Variants in ATP2B1 observed in about 807,000 individuals in gnomAD.
ATP2B1 encodes plasma membrane calcium-transporting ATPase 1.
Under a neutral mutation model 124.2 loss-of-function variants are expected in ATP2B1, and 14 were observed. The ratio of observed to expected loss-of-function variants is 0.11; its 90% CI spans 0.07 to 0.18. ATP2B1 has a LOEUF of 0.18. ATP2B1 is among the 10% of genes least tolerant of loss of function. The probability of loss-of-function intolerance (pLI) is 1.00; values close to 1 mark genes in which losing one functional copy is unlikely to be tolerated. For synonymous variants in ATP2B1, 449 were observed against 492.4 expected (o/e 0.91, Z 1.17); for missense variants, 763 against 1,466.1 (o/e 0.52, Z 7.83).
Position 89,611,359 on chromosome 12 carries a change from A to G in ATP2B1, c.2081T>C (p.Ile694Thr), listed in dbSNP as rs1331541064. ...DPVRPEVPDA[I>T]KKCQRAGITV... ...AATTCCAGCCCTCTGACACTTTTTAATTGCATCTGGCACCTGGTTTACATT... is the reference window on the plus strand; with the variant it reads ...AATTCCAGCCCTCTGACACTTTTTAGTTGCATCTGGCACCTGGTTTACATT... Residue 694 changes from isoleucine to threonine, a missense_variant, in exon 13 of 21, where the codon ATT (isoleucine) becomes ACT (threonine). This residue lies in a region of ATP2B1 where 392 missense variants were observed against 776.6 expected (regional missense o/e 0.50). Coordinates refer to ENST00000428670, the MANE Select transcript of ATP2B1 (RefSeq NM_001366521.1). 1 of 1,530,232 alleles carries G rather than the reference A, an allele frequency of 6.5e-7. No individual in the cohort carries two copies. The highest frequency in any genetic ancestry group is 1.4e-5 in the African/African-American group (1 of 70,986). The allele number at this position is 1,530,232 out of a possible 1,614,324, so 94.8% of individuals were successfully genotyped here.
intron 1 of ATP2B1, among the ~76,000 whole-genome samples, chr12:89,691,062 G>A (rs764039758): frequency 4.6e-5 from 7 of 152,044 alleles, no homozygotes; most frequent in Non-Finnish European, 8.8e-5. Flanking sequence ...TAACATGTGA[G>A]AGGCTCAACT....
At chr12:89,637,614 G>A (rs185311986) in intron 3 of ATP2B1, among the ~76,000 whole-genome samples, 10 of 152,040 alleles carry the variant, frequency 6.6e-5, no homozygotes, top group Middle Eastern at 6.8e-3. Flanking sequence ...GCCCAGATTG[G>A]CCTCGAACTC....
chr12:89,680,652 G>A (rs779865105), intron 1 of ATP2B1, among the ~76,000 whole-genome samples: 5 of 151,982 alleles, frequency 3.3e-5, no homozygotes, highest in Non-Finnish European at 5.9e-5. Flanking sequence ...CAGAAACAAC[G>A]GAACAGAACT....
rs751322982 is a variant in ATP2B1, at chr12:89,621,722, T to C, written c.1414A>G (p.Ile472Val). 18 of 1,610,638 alleles carry C rather than the reference T, an allele frequency of 1.1e-5. No homozygotes were observed. In the East Asian group the frequency reaches 2.7e-4, roughly 24 times the overall value. Reference sequence around the variant, plus strand: ...AAAGTTCCTGTTTTATCTGAACAAATAGCTGTAGCATTTCCCATGGTTTCA... The same window carrying C: ...AAAGTTCCTGTTTTATCTGAACAAACAGCTGTAGCATTTCCCATGGTTTCA... ...ACETMGNATA[I>V]CSDKTGTLTM... Residue 472 changes from isoleucine to valine, a missense_variant, in exon 10 of 21, where the codon ATT becomes GTT. Physicochemically the swap from Ile to Val is conservative, Grantham distance 29 (BLOSUM62 3). Around this residue, in one of 7 missense-constraint regions of ATP2B1, gnomAD observed 392 missense variants for 776.6 expected, o/e 0.50. Coordinates refer to ENST00000428670, the MANE Select transcript of ATP2B1 (RefSeq NM_001366521.1).
Position 89,591,107 on chromosome 12 carries a change from T to C in ATP2B1, c.3540A>G (p.Pro1180=), listed in dbSNP as rs1873470860. 3.7e-6 allele frequency: 6 copies of C among 1,613,046 alleles called. No homozygotes were observed. Among genetic ancestry groups the C allele is most frequent in the South Asian group, 1.1e-5 (1 of 91,076 alleles). Residue 1180 remains proline (P), a synonymous_variant, in exon 21 of 21, where the codon CCA becomes CCG. Coordinates refer to ENST00000428670, the MANE Select transcript of ATP2B1 (RefSeq NM_001366521.1). ...DAPTKRNSSP[P]PSPNKNNNAV... ...CATTGTTATTTTTGTTGGGAGAGGG[T>C]GGAGGACTGGAGTTACGTTTTGTAG...
At chr12:89,707,594 AG>A (rs1892629030) in intron 1 of ATP2B1, among the ~76,000 whole-genome samples, 1 of 152,162 alleles carries the variant, frequency 6.6e-6, no homozygotes, top group African/African-American at 2.4e-5. Flanking sequence ...CCCAAAGAAA[AG>A]GTAAATATCA....
At chr12:89,698,914 G>C (rs141450857) in intron 1 of ATP2B1, among the ~76,000 whole-genome samples, 3 of 152,276 alleles carry the variant, frequency 2.0e-5, no homozygotes, top group African/African-American at 7.2e-5. Context: ...GTGGTACCCT[G>C]GTTTTCAACT....
At position 89,677,971 on chromosome 12, in the gene ATP2B1, T is replaced by TATATATATATATATATATATACAC. The variant is rs1461216851; in HGVS notation, c.-221-21865_-221-21864insGTGTATATATATATATATATATAT. Among the ~76,000 whole-genome samples, 91 of 52,214 alleles carry TATATATATATATATATATATACAC rather than the reference T, an allele frequency of 1.7e-3. 2 individuals carry two copies. Among genetic ancestry groups the TATATATATATATATATATATACAC allele is most frequent in the South Asian group, 3.8e-3 (5 of 1,332 alleles). The allele number at this position is 52,214 out of a possible 152,430, so 34.3% of individuals were successfully genotyped here. A position where few individuals can be genotyped will look rare whatever the true frequency, so the allele number is the denominator to read the frequency against. On this transcript the variant is annotated intron_variant, in intron 1 of 20. Transcript: ENST00000428670. ...TGCAGGAATTATATATATATATATA[T>TATATATATATATATATATATACAC]ACACACACACACACACACACACACA... is the stretch of plus-strand genomic sequence containing the variant.
intron 1 of ATP2B1, among the ~76,000 whole-genome samples, chr12:89,658,842 C>A (rs1376063852): frequency 1.3e-5 from 2 of 152,134 alleles, no homozygotes; most frequent in African/African-American, 2.4e-5. Context: ...AATTCCCTCA[C>A]TGTTTAAAGA....
chr12:89,678,679 C>G (rs1326748160), intron 1 of ATP2B1, among the ~76,000 whole-genome samples: 1 of 152,092 alleles, frequency 6.6e-6, no homozygotes, highest in African/African-American at 2.4e-5. Flanking sequence ...CAAGACTTGC[C>G]TTAAGAAGCA....
At chr12:89,641,067 A>G (rs1269059086) in intron 3 of ATP2B1, among the ~76,000 whole-genome samples, 1 of 152,186 alleles carries the variant, frequency 6.6e-6, no homozygotes, top group Non-Finnish European at 1.5e-5. Context: ...TTTCACAAAA[A>G]TATTTTGGTG....
At chr12:89,684,546 A>G (rs999907001) in intron 1 of ATP2B1, among the ~76,000 whole-genome samples, 2 of 152,208 alleles carry the variant, frequency 1.3e-5, no homozygotes, top group African/African-American at 4.8e-5. Context: ...TTCTTAAAAC[A>G]CAAGAACCTC....
At chr12:89,663,032 T>G (rs887964156) in intron 1 of ATP2B1, among the ~76,000 whole-genome samples, 1 of 152,236 alleles carries the variant, frequency 6.6e-6, no homozygotes. Context: ...GGAGAATCTG[T>G]GCCATTCATT....
At chr12:89,697,736 T>A (rs1184731138) in intron 1 of ATP2B1, among the ~76,000 whole-genome samples, 2 of 149,384 alleles carry the variant, frequency 1.3e-5, no homozygotes, top group East Asian at 3.9e-4. Context: ...CACCGTTTTT[T>A]CAAATATCAG....
chr12:89,629,124 G>A (rs1042252423), intron 6 of ATP2B1, among the ~76,000 whole-genome samples: 1 of 152,158 alleles, frequency 6.6e-6, no homozygotes, highest in African/African-American at 2.4e-5. Flanking sequence ...AAGACACTGT[G>A]GAATACAGTG....
chr12:89,624,071 T>G, intron 9 of ATP2B1, 112 bp downstream of exon 9: 4 of 904,476 alleles, frequency 4.4e-6, no homozygotes, highest in Non-Finnish European at 6.7e-6. Flanking sequence ...TAGTGTACAT[T>G]TATATGAAAG....
intron 2 of ATP2B1, among the ~76,000 whole-genome samples, chr12:89,643,978 C>T (rs551218043): frequency 3.7e-4 from 57 of 152,108 alleles, no homozygotes; most frequent in African/African-American, 1.1e-3. Context: ...AAAAATTAAC[C>T]GGGTATGGTG....
At position 89,698,645 on chromosome 12, in the gene ATP2B1, T is replaced by C. The variant is rs1212121576; in HGVS notation, c.-222+9951A>G. ...TGCCAATTATATCTTAGTAAGACTA[T>C]AACAAATTTGTTTATGAGAAAAAAA... is the stretch of plus-strand genomic sequence containing the variant. On this transcript the variant is annotated intron_variant, in intron 1 of 20. Transcript: ENST00000428670. 4.6e-5 allele frequency among the ~76,000 whole-genome samples: 7 copies of C among 151,492 alleles called. No homozygotes were observed. In the South Asian group the frequency reaches 1.3e-3, roughly 27 times the overall value.
intron 1 of ATP2B1, among the ~76,000 whole-genome samples, chr12:89,683,765 G>C (rs192415854): frequency 2.6e-5 from 4 of 152,100 alleles, no homozygotes; most frequent in Non-Finnish European, 4.4e-5. Flanking sequence ...ATGCAGTAAC[G>C]GATTGCTAGA....
Sources: gnomAD v4.1 joint callset for allele counts (sites outside exome capture counted in the v4.1 genomes callset) on GRCh38, gnomAD v4.1.1 for gene constraint, gnomAD v4.1.1 regional missense constraint, MANE v1.5 for transcripts, NCBI Gene and HGNC (gene_info 2026-07-23, HGNC 2026-07-21) for gene names.